Variants in GHRH observed in about 807,000 individuals in gnomAD.
GHRH encodes somatoliberin.
In GHRH, 7 loss-of-function variants were observed where a neutral mutation model predicts 15.6. The observed-to-expected ratio is 0.45, with a 90% CI of 0.26 to 0.84. GHRH has a LOEUF of 0.84. Ranked by LOEUF, GHRH falls within the 40% of genes least tolerant of loss-of-function variation. The pLI is 0.18. For missense variants in GHRH, 117 were observed against 138.0 expected (o/e 0.85, Z 0.76); for synonymous variants, 54 against 50.4 (o/e 1.07, Z -0.30).
At position 37,258,745 on chromosome 20, in the gene GHRH, A is replaced by C. The variant is rs184767637; in HGVS notation, c.-19-1837T>G. On this transcript the variant is annotated intron_variant, in intron 1 of 4. Transcript: ENST00000373614. This position sits in a 1 kb window ranked among gnomAD's most constrained non-coding sequence, Gnocchi z 4.1. ...GGAGCTTATTTCCAGATGGTTCTTT[A>C]TTTATTTATTTTGAGAGCGGGTCTC... 5.4e-4 allele frequency among the ~76,000 whole-genome samples: 82 copies of C among 151,730 alleles called. No individual in the cohort carries two copies. The Middle Eastern group carries it at 0.01, about 19-fold the overall frequency.
At chr20:37,254,147 T>G (rs1193173757) in intron 4 of GHRH, 63 bp downstream of exon 4, 1 of 1,595,234 alleles carries the variant, frequency 6.3e-7, no homozygotes, top group Non-Finnish European at 8.6e-7. Flanking sequence ...TTCCTTTTCC[T>G]GGCAAACCAC....
chr20:37,259,329 A>G (rs1473175403), intron 1 of GHRH, among the ~76,000 whole-genome samples: 1 of 151,964 alleles, frequency 6.6e-6, no homozygotes, highest in African/African-American at 2.4e-5. Context: ...ATCGCACCAT[A>G]CCACGTCTGG....
At position 37,258,774 on chromosome 20, in the gene GHRH, C is replaced by G. The variant is rs1183274573; in HGVS notation, c.-19-1866G>C. Among the ~76,000 whole-genome samples the G allele has an allele frequency of 1.3e-5, 2 of 152,158 alleles. No homozygotes were observed. Among genetic ancestry groups the G allele is most frequent in the African/African-American group, 4.8e-5 (2 of 41,442 alleles). On this transcript the variant is annotated intron_variant, in intron 1 of 4. Transcript: ENST00000373614. The surrounding 1 kb of genome is among the most constrained non-coding windows in gnomAD (Gnocchi z 4.1). ...ATTTATTTTGAGAGCGGGTCTCACT[C>G]TGTGGCCCAGGCTGAGGTGCAGTGG...
rs532432122 is a variant in GHRH, at chr20:37,253,620, A to G, written c.308+590T>C. Among the ~76,000 whole-genome samples, 34 of 152,198 alleles carry G rather than the reference A, an allele frequency of 2.2e-4. No homozygotes were observed. In the South Asian group the frequency reaches 6.6e-3, roughly 30 times the overall value. ...CTAATATTGATTGATTGATTGACTG[A>G]TTGAGACGGGATCTCACTATATTGG... On this transcript the variant is annotated intron_variant, in intron 4 of 4. Transcript: ENST00000373614.
At chr20:37,257,867 G>A (rs1195066993) in intron 1 of GHRH, among the ~76,000 whole-genome samples, 3 of 152,222 alleles carry the variant, frequency 2.0e-5, no homozygotes, top group Admixed American at 1.3e-4. Context: ...CCTTTGCTGT[G>A]TCTACCTAAG....
intron 1 of GHRH, among the ~76,000 whole-genome samples, chr20:37,261,027 C>G (rs2068684522): frequency 6.6e-6 from 1 of 152,164 alleles, no homozygotes; most frequent in South Asian, 2.1e-4. Context: ...ACTTCCTGAT[C>G]TGGTTTATAA....
rs182700190 is a variant in GHRH at position 37,260,813 on chromosome 20, G to A, written c.-20+930C>T. ...GAGATTGCCTGGATTCAGGATAAAC[G>A]GGCACTTGATCTACATCCGTTGGCA... is the stretch of plus-strand genomic sequence containing the variant. On this transcript the variant is annotated intron_variant, in intron 1 of 4. Coordinates refer to ENST00000373614, the MANE Select transcript of GHRH (RefSeq NM_021081.6). Among the ~76,000 whole-genome samples, 239 of 152,206 alleles carry A rather than the reference G, an allele frequency of 1.6e-3. 2 individuals carry two copies. The highest frequency in any genetic ancestry group is 5.4e-3 in the African/African-American group (225 of 41,514).
At chr20:37,260,175 C>T (rs1006795373) in intron 1 of GHRH, among the ~76,000 whole-genome samples, 1 of 152,108 alleles carries the variant, frequency 6.6e-6, no homozygotes, top group African/African-American at 2.4e-5. Flanking sequence ...CACAAGTTAA[C>T]CAAGAGGCTC....
chr20:37,255,475 A>G (rs760341221), intron 3 of GHRH, among the ~76,000 whole-genome samples: 10 of 151,854 alleles, frequency 6.6e-5, no homozygotes, highest in Non-Finnish European at 1.3e-4. Context: ...CCTGGCTAAC[A>G]TGGTGAAACC....
At chr20:37,261,372 C>T (rs1254865714) in intron 1 of GHRH, among the ~76,000 whole-genome samples, 1 of 152,216 alleles carries the variant, frequency 6.6e-6, no homozygotes, top group African/African-American at 2.4e-5. Context: ...TTTGCACAGC[C>T]ACTTGGCTCA....
chr20:37,260,408 A>T (rs2068681419), intron 1 of GHRH, among the ~76,000 whole-genome samples: 1 of 151,326 alleles, frequency 6.6e-6, no homozygotes, highest in Non-Finnish European at 1.5e-5. Flanking sequence ...ACAAAAAAAA[A>T]AACACACAAA....
intron 3 of GHRH, among the ~76,000 whole-genome samples, chr20:37,255,940 C>T (rs2068653307): frequency 1.3e-5 from 2 of 151,956 alleles, no homozygotes; most frequent in Admixed American, 6.6e-5. Context: ...ATGGGAGGGT[C>T]GCTTGAGTCC....
intron 4 of GHRH, among the ~76,000 whole-genome samples, chr20:37,252,219 C>A (rs985777162): frequency 6.6e-6 from 1 of 152,178 alleles, no homozygotes; most frequent in African/African-American, 2.4e-5. Context: ...GTTGCTGTGC[C>A]GCTAGTTGCA....
chr20:37,254,718 T>TTCCTCTAATCATCATTAGAGGAACGCA (rs1339647747), intron 3 of GHRH, among the ~76,000 whole-genome samples: 2 of 152,290 alleles, frequency 1.3e-5, no homozygotes, highest in East Asian at 3.9e-4. Context: ...CATCACCTGA[T>TTCCTCTAATCATCATTAGAGGAACGCA]TCCTCTAATC....
At chr20:37,256,561 CT>C in intron 2 of GHRH, 63 bp from the exon 3 acceptor site, 1 of 1,011,412 alleles carries the variant, frequency 9.9e-7, no homozygotes, top group South Asian at 1.4e-5. Context: ...ACAGTCGTGG[CT>C]GCACTCGCCA....
At chr20:37,255,293 TAAA>T (rs1193057591) in intron 3 of GHRH, among the ~76,000 whole-genome samples, 4 of 152,156 alleles carry the variant, frequency 2.6e-5, no homozygotes, top group African/African-American at 7.2e-5. Context: ...AAGTAAAAAC[TAAA>T]AAACGTATAG....
At chr20:37,260,228 C>T (rs1323364650) in intron 1 of GHRH, among the ~76,000 whole-genome samples, 1 of 152,120 alleles carries the variant, frequency 6.6e-6, no homozygotes, top group African/African-American at 2.4e-5. Flanking sequence ...AGGTCAAGAC[C>T]CCACAGCAAC....
chr20:37,260,256 C>T (rs1035629784), intron 1 of GHRH, among the ~76,000 whole-genome samples: 3 of 152,092 alleles, frequency 2.0e-5, no homozygotes, highest in African/African-American at 4.8e-5. Context: ...CTATGAGAAC[C>T]GAATCCATGG....
chr20:37,255,662 A>C (rs1394852584), intron 3 of GHRH, among the ~76,000 whole-genome samples: 1 of 133,626 alleles, frequency 7.5e-6, no homozygotes, highest in African/African-American at 3.2e-5. Context: ...CTCCATCTCA[A>C]AAAAAAAAAA....
Sources: gnomAD v4.1 joint callset for allele counts (sites outside exome capture counted in the v4.1 genomes callset) on GRCh38, gnomAD v4.1.1 for gene constraint, Gnocchi (gnomAD v3.1) non-coding constraint, MANE v1.5 for transcripts, NCBI Gene and HGNC (gene_info 2026-07-23, HGNC 2026-07-21) for gene names.